DLGAP2: variants seen among roughly 807,000 people sequenced by gnomAD.
The protein encoded by DLGAP2 is DLG associated protein 2.
Under a neutral mutation model 100.3 loss-of-function variants are expected in DLGAP2, and 26 were observed. That is an observed-to-expected ratio of 0.26 (90% CI 0.19 to 0.36). DLGAP2 has a LOEUF of 0.36. Among genes scored for constraint, DLGAP2 ranks in the 10% least tolerant of loss-of-function variants. The pLI is 1.00. For synonymous variants in DLGAP2, 886 were observed against 630.1 expected, an observed-to-expected ratio of 1.41 and a Z score of -6.08; for missense variants, 1,858 against 1,453.2, an observed-to-expected ratio of 1.28 and a Z score of -4.53.
At chr8:1,055,725 G>T (rs539728419) in intron 2 of DLGAP2, among the ~76,000 whole-genome samples, 2 of 152,192 alleles carry the variant, frequency 1.3e-5, no homozygotes, top group Non-Finnish European at 1.5e-5. Context: ...ATAATAGCCC[G>T]GGAATCGGCA....
intron 5 of DLGAP2, among the ~76,000 whole-genome samples, chr8:1,555,907 C>T (rs73671207): frequency 9.8e-5 from 15 of 152,332 alleles, no homozygotes; most frequent in African/African-American, 2.2e-4. Context: ...TTCACGCCTC[C>T]GTTTGTGGTG....
intron 3 of DLGAP2, among the ~76,000 whole-genome samples, chr8:1,365,735 T>A (rs1192052428): frequency 6.6e-6 from 1 of 152,172 alleles, no homozygotes; most frequent in African/African-American, 2.4e-5. Flanking sequence ...ATTTCTAAAT[T>A]TCCTGGGAGT....
At chr8:1,053,323 A>G (rs1802777877) in intron 2 of DLGAP2, among the ~76,000 whole-genome samples, 2 of 152,134 alleles carry the variant, frequency 1.3e-5, no homozygotes, top group African/African-American at 4.8e-5. Context: ...AGATGGTTAT[A>G]AAGTTTGGGG....
At chr8:908,801 A>G (rs776106969) in intron 2 of DLGAP2, among the ~76,000 whole-genome samples, 1 of 152,212 alleles carries the variant, frequency 6.6e-6, no homozygotes, top group Non-Finnish European at 1.5e-5. Flanking sequence ...TGTGCTGTCA[A>G]GTATGTATTT....
intron 3 of DLGAP2, among the ~76,000 whole-genome samples, chr8:1,412,749 A>T (rs901464495): frequency 6.6e-6 from 1 of 152,190 alleles, no homozygotes; most frequent in Non-Finnish European, 1.5e-5. Flanking sequence ...TACAGGCAAA[A>T]GGCAATTGCC....
At chr8:1,114,770 C>A (rs1278855873) in intron 2 of DLGAP2, among the ~76,000 whole-genome samples, 1 of 151,956 alleles carries the variant, frequency 6.6e-6, no homozygotes, top group African/African-American at 2.4e-5. Flanking sequence ...TTCTCCAATT[C>A]TTTTAATTGT....
At chr8:1,198,531 C>T (rs1386096886) in intron 2 of DLGAP2, among the ~76,000 whole-genome samples, 1 of 152,072 alleles carries the variant, frequency 6.6e-6, no homozygotes, top group Non-Finnish European at 1.5e-5. Flanking sequence ...GGGGAAGGGG[C>T]TGCGAGGAGG....
chr8:798,408 G>T (rs1796080512), intron 1 of DLGAP2, among the ~76,000 whole-genome samples: 1 of 149,000 alleles, frequency 6.7e-6, no homozygotes, highest in South Asian at 2.1e-4. Flanking sequence ...GCTTCCGTTG[G>T]CACTGAAAGC....
In DLGAP2 at chr8:1,691,601, T is replaced by A; in HGVS notation, c.2771T>A (p.Phe924Tyr). The A allele has an allele frequency of 3.1e-6, 5 of 1,614,098 alleles. No homozygotes were observed. Among genetic ancestry groups the A allele is most frequent in the Non-Finnish European group, 4.2e-6 (5 of 1,179,954 alleles). Residue 924 changes from phenylalanine (F) to tyrosine (Y), a missense_variant, in exon 13 of 15, where the codon TTT (phenylalanine) becomes TAT (tyrosine). Coordinates refer to ENST00000637795, the MANE Select transcript of DLGAP2 (RefSeq NM_001346810.2). ...QLLMSQKFQQ[F>Y]YWLCQQNMDP... ...CTCATGTCCCAGAAATTCCAGCAGT[T>A]TTATTGGCTTTGCCAACAGAATATG...
chr8:1,685,447 C>T (rs765956370), intron 12 of DLGAP2, among the ~76,000 whole-genome samples: 4 of 152,204 alleles, frequency 2.6e-5, no homozygotes, highest in Non-Finnish European at 5.9e-5. Flanking sequence ...CCACTGCTTC[C>T]AGACCTCCTG....
At chr8:1,090,994 C>T (rs1291666723) in intron 2 of DLGAP2, among the ~76,000 whole-genome samples, 1 of 152,196 alleles carries the variant, frequency 6.6e-6, no homozygotes, top group East Asian at 1.9e-4. Flanking sequence ...CTAACCTCAT[C>T]AGAACGTTAA....
chr8:932,336 C>G (rs1391293724), intron 2 of DLGAP2, among the ~76,000 whole-genome samples: 1 of 152,214 alleles, frequency 6.6e-6, no homozygotes, highest in Non-Finnish European at 1.5e-5. Context: ...GAGGGACTCT[C>G]ATGATCCGGT....
chr8:1,496,638 C>A (rs1272639801), intron 3 of DLGAP2, among the ~76,000 whole-genome samples: 1 of 152,136 alleles, frequency 6.6e-6, no homozygotes, highest in Non-Finnish European at 1.5e-5. Flanking sequence ...CCATCACAGA[C>A]CCTCTCAGAT....
rs191622398 is a variant in DLGAP2, at chr8:1,250,100, C to T, written c.74-8751C>T. On this transcript the variant is annotated intron_variant, in intron 2 of 14. Coordinates refer to ENST00000637795, the MANE Select transcript of DLGAP2 (RefSeq NM_001346810.2). ...TTCACCATGTTGGTCAGGCTGGTCT[C>T]GATCTCCTGACCTTGTGATCTGCCT... 9.3e-4 allele frequency among the ~76,000 whole-genome samples: 141 copies of T among 152,264 alleles called. 1 individual carries two copies. Among genetic ancestry groups the T allele is most frequent in the African/African-American group, 1.7e-3 (72 of 41,552 alleles).
At chr8:1,267,603 T>TAA (rs1250229921) in intron 3 of DLGAP2, among the ~76,000 whole-genome samples, 2 of 68,446 alleles carry the variant, frequency 2.9e-5, no homozygotes, top group African/African-American at 1.8e-4. Context: ...TAAGATAAGA[T>TAA]AAGATAAGAT....
At chr8:1,696,771 C>A (rs956926107) in intron 13 of DLGAP2, among the ~76,000 whole-genome samples, 1 of 152,210 alleles carries the variant, frequency 6.6e-6, no homozygotes, top group Non-Finnish European at 1.5e-5. Context: ...CCCACTGCCA[C>A]CACCAGGCCA....
intron 2 of DLGAP2, among the ~76,000 whole-genome samples, chr8:981,195 A>T (rs1418705333): frequency 6.6e-6 from 1 of 152,108 alleles, no homozygotes; most frequent in Non-Finnish European, 1.5e-5. Context: ...TGCCTGGCTT[A>T]TTTCACTTAG....
At chr8:1,127,947 C>G (rs1377454914) in intron 2 of DLGAP2, among the ~76,000 whole-genome samples, 1 of 152,228 alleles carries the variant, frequency 6.6e-6, no homozygotes, top group African/African-American at 2.4e-5. Context: ...GCAAAATGTT[C>G]TAAAATAGAT....
chr8:1,296,551 TATTAA>T (rs1252295167), intron 3 of DLGAP2, among the ~76,000 whole-genome samples: 3 of 152,194 alleles, frequency 2.0e-5, no homozygotes, highest in African/African-American at 7.2e-5. Flanking sequence ...GTGTGCGTTT[TATTAA>T]ATTCTTTTTG....
Sources: gnomAD v4.1 joint callset for allele counts (sites outside exome capture counted in the v4.1 genomes callset) on GRCh38, gnomAD v4.1.1 for gene constraint, MANE v1.5 for transcripts, NCBI Gene and HGNC (gene_info 2026-07-23, HGNC 2026-07-21) for gene names.